The following DMD variants were observed in gnomAD, a reference collection of about 807,000 sequenced individuals.
DMD encodes the protein dystrophin, also known as mutant dystrophin.
In DMD, 63 loss-of-function variants were observed where a neutral mutation model predicts 330.1. The ratio of observed to expected loss-of-function variants is 0.19; its 90% CI spans 0.16 to 0.24. The LOEUF is 0.24. Among genes scored for constraint, DMD ranks in the 10% least tolerant of loss-of-function variants. The probability of loss-of-function intolerance (pLI) is 1.00; values close to 1 mark genes in which losing one functional copy is unlikely to be tolerated. For missense variants in DMD, 3,344 were observed against 2,684.1 expected (o/e 1.25, Z -5.43); for synonymous variants, 1,223 against 959.8 (o/e 1.27, Z -5.07).
intron 49 of DMD, among the ~76,000 whole-genome samples, chrX:31,824,896 C>T (rs2092858170): frequency 9.0e-6 from 1 of 111,591 alleles, no homozygotes; most frequent in Non-Finnish European, 1.9e-5. Context: ...CAAATCAAGG[C>T]TTTCAATGTT....
At chrX:32,975,346 CTTTT>C (rs35180404) in intron 2 of DMD, among the ~76,000 whole-genome samples, 974 of 64,744 alleles carry the variant, frequency 0.015, 14 homozygotes, top group African/African-American at 0.048. Context: ...TTAAAAAATG[CTTTT>C]TTTTTTTTTT....
At chrX:31,465,253 C>T (rs760896894) in intron 59 of DMD, among the ~76,000 whole-genome samples, 5 of 110,629 alleles carry the variant, frequency 4.5e-5, no homozygotes, top group Non-Finnish European at 7.6e-5. Context: ...ATGTGCAGAA[C>T]GTGCAGGTTT....
intron 1 of DMD, among the ~76,000 whole-genome samples, chrX:33,300,668 A>G (rs2053648434): frequency 9.0e-6 from 1 of 111,681 alleles, no homozygotes; most frequent in Non-Finnish European, 1.9e-5. Context: ...AGGCCTTGGA[A>G]GCTCAGTGAG....
At chrX:32,351,373 T>C (rs1017306143) in intron 37 of DMD, among the ~76,000 whole-genome samples, 3 of 110,625 alleles carry the variant, frequency 2.7e-5, no homozygotes, top group African/African-American at 9.8e-5. Context: ...ACATGGAGGA[T>C]TTTAGATTCC....
chrX:32,325,789 C>T (rs1166906423), intron 41 of DMD, among the ~76,000 whole-genome samples: 1 of 100,679 alleles, frequency 9.9e-6, no homozygotes, highest in African/African-American at 3.6e-5. Flanking sequence ...TTTAATTGAT[C>T]TTAAGTACTC....
At chrX:32,556,596 G>A (rs894822939) in intron 16 of DMD, among the ~76,000 whole-genome samples, 3 of 111,488 alleles carry the variant, frequency 2.7e-5, no homozygotes, top group Admixed American at 9.5e-5. Flanking sequence ...AGAAAATGTG[G>A]TACATTTACA....
intron 44 of DMD, among the ~76,000 whole-genome samples, chrX:32,025,394 T>C (rs2095839468): frequency 8.9e-6 from 1 of 112,110 alleles, no homozygotes; most frequent in East Asian, 2.8e-4. Flanking sequence ...TAAATAAAAA[T>C]TTAGTTCCTT....
chrX:31,664,174 C>G (rs2081285676), intron 53 of DMD, among the ~76,000 whole-genome samples: 1 of 111,340 alleles, frequency 9.0e-6, no homozygotes, highest in African/African-American at 3.3e-5. Flanking sequence ...CCCTTTTGCA[C>G]TTCACCATTA....
intron 7 of DMD, among the ~76,000 whole-genome samples, chrX:32,711,565 T>G (rs2065194140): frequency 8.9e-6 from 1 of 112,092 alleles, no homozygotes; most frequent in African/African-American, 3.2e-5. Context: ...ATATTTTAAT[T>G]TCATAAGTCT....
intron 4 of DMD, among the ~76,000 whole-genome samples, chrX:32,838,078 G>A (rs975184550): frequency 1.3e-4 from 14 of 111,420 alleles, no homozygotes; most frequent in African/African-American, 4.6e-4. Flanking sequence ...TCATAAACTT[G>A]ACAGTGGTGA....
rs1487421599 is a variant in DMD at position 32,407,961 on chromosome X, C to A, written c.4233+3791G>T. 6.7e-5 allele frequency among the ~76,000 whole-genome samples: 5 copies of A among 75,145 alleles called. 1 individual carries two copies. The Admixed American group carries it at 1.1e-3, about 16-fold the overall frequency. The allele number at this position is 75,145 out of a possible 115,157, so 65.3% of individuals were successfully genotyped here. On this transcript the variant is annotated intron_variant, in intron 30 of 78. Coordinates refer to ENST00000357033, the MANE Select transcript of DMD (RefSeq NM_004006.3). The stretch of plus-strand genomic sequence containing the variant: ...ACACAGGAAGGGGAACATCACACAC[C>A]AGGGAATGTTGTGGGGTGGGGGGAG...
intron 1 of DMD, among the ~76,000 whole-genome samples, chrX:33,338,601 C>T (rs764070550): frequency 9.0e-6 from 1 of 111,155 alleles, no homozygotes; most frequent in African/African-American, 3.3e-5. Flanking sequence ...AGTAATCAAG[C>T]GAGAAATCAT....
At chrX:32,070,783 G>A (rs2096290455) in intron 44 of DMD, among the ~76,000 whole-genome samples, 1 of 111,161 alleles carries the variant, frequency 9.0e-6, no homozygotes, top group South Asian at 3.8e-4. Context: ...GGATGCAAAG[G>A]CATAAGAATG....
At chrX:31,253,623 C>A (rs1603233122) in intron 63 of DMD, among the ~76,000 whole-genome samples, 1 of 111,672 alleles carries the variant, frequency 9.0e-6, no homozygotes, top group Admixed American at 9.5e-5. Context: ...AACTCTCTTG[C>A]AAATTGCTGA....
intron 55 of DMD, among the ~76,000 whole-genome samples, chrX:31,518,370 T>C (rs1252572871): frequency 6.5e-5 from 7 of 108,373 alleles, no homozygotes; most frequent in African/African-American, 1.0e-4. Context: ...GATATTGCTA[T>C]ACAGCCTCAG....
At chrX:32,510,707 A>G (rs2045205995) in intron 18 of DMD, among the ~76,000 whole-genome samples, 1 of 111,612 alleles carries the variant, frequency 9.0e-6, no homozygotes, top group Non-Finnish European at 1.9e-5. Flanking sequence ...TAATAGCTTT[A>G]TATAAAGTGG....
chrX:32,780,933 T>TA lies in DMD; in HGVS notation c.649+28559dup, dbSNP rs773775820. ...AGTGAAACCCCGTCTCTACTAAAAA[T>TA]AAAAAAAAAATAAAAAAAAATAAAA... On this transcript the variant is annotated intron_variant, in intron 7 of 78. Coordinates refer to ENST00000357033, the MANE Select transcript of DMD (RefSeq NM_004006.3). Among the ~76,000 whole-genome samples the TA allele has an allele frequency of 4.5e-3, 442 of 97,903 alleles. 2 individuals carry two copies. The highest frequency in any genetic ancestry group is 0.022 in the East Asian group (71 of 3,220). The allele number at this position is 97,903 out of a possible 115,157, so 85.0% of individuals were successfully genotyped here. A position where few individuals can be genotyped will look rare whatever the true frequency, so the allele number is the denominator to read the frequency against.
intron 57 of DMD, among the ~76,000 whole-genome samples, chrX:31,483,115 C>T (rs1357191110): frequency 2.0e-5 from 2 of 99,194 alleles, no homozygotes; most frequent in Non-Finnish European, 4.0e-5. Context: ...GGCGCAATCT[C>T]GGCTCACTGC....
At chrX:31,348,006 T>C (rs937898935) in intron 61 of DMD, among the ~76,000 whole-genome samples, 5 of 111,924 alleles carry the variant, frequency 4.5e-5, no homozygotes, top group African/African-American at 1.3e-4. Context: ...TGTTGGCCAT[T>C]TGTATGCCTT....
Sources: allele counts gnomAD v4.1 joint callset (sites outside exome capture counted in the v4.1 genomes callset), GRCh38; gene constraint gnomAD v4.1.1; transcripts MANE v1.5; gene names NCBI Gene and HGNC (gene_info 2026-07-23, HGNC 2026-07-21).